BGLAP: variants seen among roughly 807,000 people sequenced by gnomAD.
BGLAP encodes the protein bone gamma-carboxyglutamate protein.
BGLAP carries 15 observed loss-of-function variants against 13.7 expected under a neutral mutation model. The ratio of observed to expected loss-of-function variants is 1.09; its 90% confidence interval spans 0.73 to 1.68. The LOEUF (loss-of-function observed/expected upper bound fraction) is 1.68. Ranked by LOEUF, BGLAP falls within the 40% of genes most tolerant of loss-of-function variation. The probability of loss-of-function intolerance (pLI) is 0.00; values close to 1 mark genes in which losing one functional copy is unlikely to be tolerated. For synonymous variants in BGLAP, 67 were observed against 56.2 expected, an observed-to-expected ratio of 1.19 and a Z score of -0.86; for missense variants, 120 against 134.3, an observed-to-expected ratio of 0.89 and a Z score of 0.53.
At chr1:156,242,642 C>T in intron 2 of BGLAP, 51 bp downstream of exon 2, 3 of 1,595,116 alleles carry the variant, frequency 1.9e-6, no homozygotes, top group Non-Finnish European at 2.6e-6. Flanking sequence ...TCACCCTGGT[C>T]CCTCAGTCTC....
At chr1:156,242,732 C>T (rs1659516401) in intron 2 of BGLAP, 30 bp from the exon 3 acceptor site, 1 of 1,590,790 alleles carries the variant, frequency 6.3e-7, no homozygotes, top group Non-Finnish European at 8.6e-7. Context: ...AAACCCAGAG[C>T]CACCTGATGC....
Position 156,243,161 on chromosome 1 carries a change from A to C in BGLAP, c.302A>C (p.Ter101SerextTer29), listed in dbSNP as rs1019574086. The C allele has an allele frequency of 6.2e-7, 1 of 1,613,484 alleles. No homozygotes were observed. The highest frequency in any genetic ancestry group is 1.3e-5 in the African/African-American group (1 of 74,866). Reference protein sequence around the residue: ...EAYRRFYGPV* With the variant: ...EAYRRFYGPVS ...TATCGGCGCTTCTACGGCCCGGTCT[A>C]GGGTGTCGCTCTGCTGGCCTGGCCG... Residue 101 changes from the stop codon to serine, a stop_lost, in exon 4 of 4, where the codon TAG becomes TCG. Coordinates refer to ENST00000368272, the MANE Select transcript of BGLAP (RefSeq NM_199173.6).
At chr1:156,242,517 T>C in intron 1 of BGLAP, 36 bp from the exon 2 acceptor site, 1 of 1,551,726 alleles carries the variant, frequency 6.4e-7, no homozygotes, top group South Asian at 1.2e-5. Context: ...GCCCTGGGGA[T>C]GAGCTGGGGT....
In BGLAP at chr1:156,243,160, T is replaced by C. The variant is rs1659588943; in HGVS notation, c.301T>C (p.Ter101GlnextTer29). ...CTATCGGCGCTTCTACGGCCCGGTC[T>C]AGGGTGTCGCTCTGCTGGCCTGGCC... ...EAYRRFYGPV[*>Q] Residue 101 changes from the stop codon to glutamine (Q), a stop_lost, in exon 4 of 4, where the codon TAG becomes CAG. Coordinates refer to ENST00000368272, the MANE Select transcript of BGLAP (RefSeq NM_199173.6). 6 of 1,613,744 alleles carry C rather than the reference T, an allele frequency of 3.7e-6. No individual in the cohort carries two copies. In the East Asian group the frequency reaches 1.3e-4, roughly 36 times the overall value.
intron 1 of BGLAP, 31 bp from the exon 2 acceptor site, chr1:156,242,522 T>C (rs1659493002): frequency 6.4e-7 from 1 of 1,551,720 alleles, no homozygotes; most frequent in African/African-American, 1.4e-5. Flanking sequence ...GGGGATGAGC[T>C]GGGGTGAACC....
intron 3 of BGLAP, 26 bp from the exon 4 acceptor site, chr1:156,243,007 T>C (rs567279804): frequency 6.2e-7 from 1 of 1,613,734 alleles, no homozygotes; most frequent in Admixed American, 1.7e-5. Context: ...GCACGGGGGC[T>C]GATGCCACCA....
At position 156,242,525 on chromosome 1, in the gene BGLAP, G is replaced by C. The variant is rs556812182; in HGVS notation, c.65-28G>C. 594 of 1,551,836 alleles carry C rather than the reference G, an allele frequency of 3.8e-4. 13 individuals are homozygous for C. In the South Asian group the frequency reaches 6.7e-3, roughly 18 times the overall value. ...GATGAGGGCCCTGGGGATGAGCTGG[G>C]GTGAACCAGGCTCCCTTTCCTTTGC... On this transcript the variant is annotated intron_variant, in intron 1 of 3. Coordinates refer to ENST00000368272, the MANE Select transcript of BGLAP (RefSeq NM_199173.6).
rs570297934 is a variant in BGLAP at position 156,242,557 on chromosome 1, G to A, written c.69G>A (p.Ala23=). ...AALCIAGQAG[A]KPSGAESSKG... Reference sequence around the variant, plus strand: ...CAGGCTCCCTTTCCTTTGCAGGTGCGAAGCCCAGCGGTGCAGAGTCCAGCA... The same window carrying A: ...CAGGCTCCCTTTCCTTTGCAGGTGCAAAGCCCAGCGGTGCAGAGTCCAGCA... The change falls in exon 2 of 4, where the codon GCG becomes GCA. Residue 23 remains alanine, a synonymous_variant. Coordinates refer to ENST00000368272, the MANE Select transcript of BGLAP (RefSeq NM_199173.6). 2.2e-4 allele frequency: 337 copies of A among 1,552,382 alleles called. 4 individuals carry two copies. The South Asian group carries it at 3.4e-3, about 16-fold the overall frequency.
At chr1:156,242,998 C>T in intron 3 of BGLAP, 35 bp from the exon 4 acceptor site, 1 of 1,613,298 alleles carries the variant, frequency 6.2e-7, no homozygotes, top group Non-Finnish European at 8.5e-7. Flanking sequence ...GGGCATTTTG[C>T]ACGGGGGCTG....
In BGLAP at chr1:156,243,221, C is replaced by T. The variant is rs1659598916; in HGVS notation, c.*59C>T. The T allele has an allele frequency of 2.0e-5, 32 of 1,603,516 alleles. No homozygotes were observed. In the South Asian group the frequency reaches 3.1e-4, roughly 15 times the overall value. ...GTTCTGCTCCTCTCCAGGCACCCTT[C>T]TTTCCTCTTCCCCTTGCCCTTGCCC... On this transcript the variant is annotated 3_prime_UTR_variant, in exon 4 of 4. Coordinates refer to ENST00000368272, the MANE Select transcript of BGLAP (RefSeq NM_199173.6).
At position 156,243,316 on chromosome 1, in the gene BGLAP, A is replaced by C. The variant is rs1191912369; in HGVS notation, c.*154A>C. ...GCTCCCAAATAAACTCCAGAAGAGG[A>C]ATCTGTGGGCCTGTGAGTCTGTCCA... On this transcript the variant is annotated 3_prime_UTR_variant, in exon 4 of 4. Coordinates refer to ENST00000368272, the MANE Select transcript of BGLAP (RefSeq NM_199173.6). 7.7e-7 allele frequency: 1 copy of C among 1,300,314 alleles called. No individual in the cohort carries two copies. The highest frequency in any genetic ancestry group is 1.5e-5 in the African/African-American group (1 of 67,376). The allele number at this position is 1,300,314 out of a possible 1,614,324, so 80.5% of individuals were successfully genotyped here. A position where few individuals can be genotyped will look rare whatever the true frequency, so the allele number is the denominator to read the frequency against.
At chr1:156,242,407 C>A in intron 1 of BGLAP, 112 bp downstream of exon 1, 1 of 1,541,438 alleles carries the variant, frequency 6.5e-7, no homozygotes, top group Non-Finnish European at 8.8e-7. Context: ...GCAGTCTAAC[C>A]ACCTTGTTGC....
Position 156,243,273 on chromosome 1 carries a change from G to GT in BGLAP, c.*112dup. Reference sequence around the variant, plus strand: ...GACCTCCCAGCCCTATGGATGTGGGGTCCCCATCATCCCAGCTGCTCCCAA... The same window carrying GT: ...GACCTCCCAGCCCTATGGATGTGGGGTTCCCCATCATCCCAGCTGCTCCCAA... On this transcript the variant is annotated 3_prime_UTR_variant, in exon 4 of 4. Coordinates refer to ENST00000368272, the MANE Select transcript of BGLAP (RefSeq NM_199173.6). 6.5e-7 allele frequency: 1 copy of GT among 1,533,894 alleles called. No homozygotes were observed. Among genetic ancestry groups the GT allele is most frequent in the Non-Finnish European group, 8.8e-7 (1 of 1,137,840 alleles).
intron 2 of BGLAP, 24 bp from the exon 3 acceptor site, chr1:156,242,738 G>A: frequency 6.3e-7 from 1 of 1,591,302 alleles, no homozygotes; most frequent in Non-Finnish European, 8.6e-7. Flanking sequence ...AGAGCCACCT[G>A]ATGCCTGCCC....
intron 1 of BGLAP, 94 bp downstream of exon 1, chr1:156,242,389 G>A: frequency 6.5e-7 from 1 of 1,549,430 alleles, no homozygotes; most frequent in Non-Finnish European, 8.7e-7. Context: ...TTGGCTGGCA[G>A]TCCCTTTGCA....
Position 156,242,674 on chromosome 1 carries a change from C to T in BGLAP, c.103+83C>T, listed in dbSNP as rs141715694. 6.1e-4 allele frequency: 976 copies of T among 1,609,678 alleles called. 6 individuals carry two copies. In the African/African-American group the frequency reaches 0.012, roughly 19 times the overall value. Reference sequence around the variant, plus strand: ...TCTCATTCCCCCACTCCTGCCACCTCCTGTCTGGCCATCAGGAAGGCCAGC... The same window carrying T: ...TCTCATTCCCCCACTCCTGCCACCTTCTGTCTGGCCATCAGGAAGGCCAGC... On this transcript the variant is annotated intron_variant, in intron 2 of 3. Coordinates refer to ENST00000368272, the MANE Select transcript of BGLAP (RefSeq NM_199173.6).
At chr1:156,242,990 G>T (rs758890977) in intron 3 of BGLAP, 43 bp from the exon 4 acceptor site, 1 of 1,612,602 alleles carries the variant, frequency 6.2e-7, no homozygotes, top group Non-Finnish European at 8.5e-7. Context: ...GGAGGGATGG[G>T]CATTTTGCAC....
At chr1:156,242,723 A>G (rs1659515571) in intron 2 of BGLAP, 39 bp from the exon 3 acceptor site, 2 of 1,595,514 alleles carry the variant, frequency 1.3e-6, no homozygotes, top group African/African-American at 2.7e-5. Context: ...GATCCTCCCA[A>G]ACCCAGAGCC....
At position 156,243,024 on chromosome 1, in the gene BGLAP, G is replaced by A. The variant is rs1659563368; in HGVS notation, c.174-9G>A. ...ACGGGGGCTGATGCCACCACGTCGG[G>A]TGTCTCAGAGCCCCAGTCCCCTACC... On this transcript the variant is annotated splice_polypyrimidine_tract_variant and intron_variant, in intron 3 of 3. Coordinates refer to ENST00000368272, the MANE Select transcript of BGLAP (RefSeq NM_199173.6). 1.9e-6 allele frequency: 3 copies of A among 1,614,036 alleles called. No individual in the cohort carries two copies. The highest frequency in any genetic ancestry group is 2.5e-6 in the Non-Finnish European group (3 of 1,179,980).
Sources: gnomAD v4.1 joint callset for allele counts on GRCh38, gnomAD v4.1.1 for gene constraint, MANE v1.5 for transcripts, NCBI Gene and HGNC (gene_info 2026-07-23, HGNC 2026-07-21) for gene names.